Variants in AKIRIN1 observed in about 807,000 individuals in gnomAD.
AKIRIN1 encodes akirin 1.
In AKIRIN1, 4 loss-of-function variants were observed where a neutral mutation model predicts 25.9. The ratio of observed to expected loss-of-function variants is 0.15; its 90% CI spans 0.08 to 0.35. The LOEUF (loss-of-function observed/expected upper bound fraction) is 0.35. Among genes scored for constraint, AKIRIN1 ranks in the 10% least tolerant of loss-of-function variants. The probability of loss-of-function intolerance (pLI) is 1.00; values close to 1 mark genes in which losing one functional copy is unlikely to be tolerated. For synonymous variants in AKIRIN1, 125 were observed against 105.1 expected (o/e 1.19, Z -1.16); for missense variants, 243 against 266.1 (o/e 0.91, Z 0.61).
intron 3 of AKIRIN1, among the ~76,000 whole-genome samples, chr1:39,001,765 C>T (rs1643993520): frequency 6.6e-6 from 1 of 152,168 alleles, no homozygotes; most frequent in African/African-American, 2.4e-5. Context: ...CAAGAATTTT[C>T]CATATCAATG....
intron 2 of AKIRIN1, among the ~76,000 whole-genome samples, chr1:38,999,320 G>T (rs754418213): frequency 6.6e-6 from 1 of 152,188 alleles, no homozygotes; most frequent in African/African-American, 2.4e-5. Context: ...TAGGGTTAGG[G>T]GAGAATGAGG....
At chr1:38,998,767 A>G (rs1255529093) in intron 2 of AKIRIN1, among the ~76,000 whole-genome samples, 1 of 151,838 alleles carries the variant, frequency 6.6e-6, no homozygotes. Context: ...TTAGCCAGGC[A>G]TGGTGGCTCG....
chr1:38,991,534 C>G lies in AKIRIN1; in HGVS notation c.154C>G (p.Gln52Glu). Residue 52 changes from glutamine (Q) to glutamate (E), a missense_variant, in exon 1 of 5, where the codon CAG (glutamine) becomes GAG (glutamate). Around this residue, in one of 3 missense-constraint regions of AKIRIN1, gnomAD observed 190 missense variants for 174.4 expected, o/e 1.09. Coordinates refer to ENST00000432648, the MANE Select transcript of AKIRIN1 (RefSeq NM_024595.3). ...CGAGCCGCCGCCGCCGTTTCAGACG[C>G]AGACCCCACCGCAGAGTCTGCAGCA... ...DAEPPPPFQT[Q>E]TPPQSLQQPA... 6.8e-7 allele frequency: 1 copy of G among 1,460,298 alleles called. No homozygotes were observed. The highest frequency in any genetic ancestry group is 1.3e-5 in the South Asian group (1 of 74,572). The allele number at this position is 1,460,298 out of a possible 1,614,324, so 90.5% of individuals were successfully genotyped here. A position where few individuals can be genotyped will look rare whatever the true frequency, so the allele number is the denominator to read the frequency against.
chr1:39,002,024 A>G (rs1416770580), intron 3 of AKIRIN1, among the ~76,000 whole-genome samples: 1 of 152,236 alleles, frequency 6.6e-6, no homozygotes, highest in Non-Finnish European at 1.5e-5. Flanking sequence ...TTTGTGAAAG[A>G]AAGAGATCTG....
At chr1:38,992,163 T>C (rs889027002) in intron 1 of AKIRIN1, among the ~76,000 whole-genome samples, 1 of 152,196 alleles carries the variant, frequency 6.6e-6, no homozygotes, top group African/African-American at 2.4e-5. Context: ...GCCACGTTCT[T>C]TTATTATATG....
chr1:39,000,506 T>C (rs2013119), intron 2 of AKIRIN1, among the ~76,000 whole-genome samples: 50,933 of 151,116 alleles, frequency 0.34, 9,182 homozygotes, highest in Non-Finnish European at 0.39. Flanking sequence ...CATCACCACG[T>C]CCAGCTAATT....
chr1:38,991,867 C>T (rs931553233), intron 1 of AKIRIN1, among the ~76,000 whole-genome samples: 1 of 152,082 alleles, frequency 6.6e-6, no homozygotes, highest in African/African-American at 2.4e-5. Context: ...ATGGGAATAC[C>T]TCTGGCCGCT....
intron 3 of AKIRIN1, among the ~76,000 whole-genome samples, chr1:39,001,816 C>CA (rs1355162069): frequency 6.6e-6 from 1 of 152,154 alleles, no homozygotes; most frequent in Non-Finnish European, 1.5e-5. Flanking sequence ...GGCTGGTAAA[C>CA]AGATGGTTGT....
Position 39,001,198 on chromosome 1 carries a change from C to T in AKIRIN1, c.496+92C>T, listed in dbSNP as rs1370547122. On this transcript the variant is annotated intron_variant, in intron 3 of 4. Coordinates refer to ENST00000432648, the MANE Select transcript of AKIRIN1 (RefSeq NM_024595.3). ...AACTTAGAAAAAGAGAGTAGGACCT[C>T]ATGCAAGGGAGTTTATTGAGTTGCG... 2.8e-6 allele frequency: 4 copies of T among 1,421,276 alleles called. No individual in the cohort carries two copies. In the African/African-American group the frequency reaches 4.3e-5, roughly 15 times the overall value. The allele number at this position is 1,421,276 out of a possible 1,614,324, so 88.0% of individuals were successfully genotyped here. A position where few individuals can be genotyped will look rare whatever the true frequency, so the allele number is the denominator to read the frequency against.
intron 1 of AKIRIN1, among the ~76,000 whole-genome samples, chr1:38,992,659 A>AT (rs1486180238): frequency 2.0e-5 from 3 of 152,134 alleles, no homozygotes; most frequent in African/African-American, 7.2e-5. Context: ...CCCAGACTTC[A>AT]TATCCTTAAC....
At position 38,998,269 on chromosome 1, in the gene AKIRIN1, A is replaced by G; in HGVS notation, c.319A>G (p.Ser107Gly). ...TCAGAGTGAAGCTTGTGCTTCGGAA[A>G]GTCAACCTCACTCCTCAGCACTCAC... ...LNQSEACASESQPHSSALTAP... is the reference protein window; with the variant it reads ...LNQSEACASEGQPHSSALTAP... The change falls in exon 2 of 5, where the codon AGT becomes GGT. Residue 107 changes from serine (S) to glycine (G), a missense_variant. Around this residue, in one of 3 missense-constraint regions of AKIRIN1, gnomAD observed 190 missense variants for 174.4 expected, o/e 1.09. Transcript: ENST00000432648. The G allele has an allele frequency of 6.2e-7, 1 of 1,614,038 alleles. No individual in the cohort carries two copies.
intron 4 of AKIRIN1, 138 bp downstream of exon 4, chr1:39,003,556 C>A: frequency 1.3e-6 from 1 of 753,046 alleles, no homozygotes; most frequent in Non-Finnish European, 2.1e-6. Flanking sequence ...TAAATCCACA[C>A]CAAAGCTTAT....
Position 39,004,849 on chromosome 1 carries a change from TC to T in AKIRIN1, c.*797del, listed in dbSNP as rs920136022. 1 of 152,738 alleles carries T rather than the reference TC, an allele frequency of 6.5e-6. No individual in the cohort carries two copies. Among genetic ancestry groups the T allele is most frequent in the African/African-American group, 2.4e-5 (1 of 41,382 alleles). 9.5% of individuals were successfully genotyped at this position (152,738 alleles called of 1,614,324 possible). Reference sequence around the variant, plus strand: ...CTCATTCACACAATTATCATAGAGCTCCCTGGACACTGAACCTCTAAAGGGA... The same window carrying T: ...CTCATTCACACAATTATCATAGAGCTCCTGGACACTGAACCTCTAAAGGGA... On this transcript the variant is annotated 3_prime_UTR_variant, in exon 5 of 5. Transcript: ENST00000432648.
intron 2 of AKIRIN1, 152 bp from the exon 3 acceptor site, chr1:39,000,820 C>T: frequency 1.2e-6 from 1 of 824,508 alleles, no homozygotes; most frequent in South Asian, 2.1e-5. Context: ...CCACGCCCAG[C>T]TAATTTTGTA....
In AKIRIN1 at chr1:38,995,958, T is replaced by TG. The variant is rs540084711; in HGVS notation, c.221-2210dup. 1.2e-4 allele frequency among the ~76,000 whole-genome samples: 18 copies of TG among 152,200 alleles called. 1 individual carries two copies. In the South Asian group the frequency reaches 3.5e-3, roughly 30 times the overall value. The stretch of plus-strand genomic sequence containing the variant: ...CTGAGGCAGGAGAATTGCTTGAACC[T>TG]GGGAGGTAGAGGTTGCAGTGAACTG... On this transcript the variant is annotated intron_variant, in intron 1 of 4. Coordinates refer to ENST00000432648, the MANE Select transcript of AKIRIN1 (RefSeq NM_024595.3).
intron 1 of AKIRIN1, 51 bp downstream of exon 1, chr1:38,991,651 TG>T (rs533252178): frequency 7.1e-4 from 114 of 159,520 alleles, no homozygotes; most frequent in South Asian, 6.2e-3. Flanking sequence ...AGGCATTTTT[TG>T]GGGGGGGTGG....
rs563845493 is a variant in AKIRIN1 at position 38,993,619 on chromosome 1, G to A, written c.220+2019G>A. ...GCGCTCCAGCCTGGGCCACAAGAGC[G>A]AAACTCCATCTCAAAAAAAAAAAAA... On this transcript the variant is annotated intron_variant, in intron 1 of 4. Coordinates refer to ENST00000432648, the MANE Select transcript of AKIRIN1 (RefSeq NM_024595.3). Among the ~76,000 whole-genome samples the A allele has an allele frequency of 1.3e-4, 17 of 131,816 alleles. No individual in the cohort carries two copies. In the South Asian group the frequency reaches 2.4e-3, roughly 19 times the overall value. 86.5% of individuals were successfully genotyped at this position (131,816 alleles called of 152,430 possible).
intron 3 of AKIRIN1, among the ~76,000 whole-genome samples, chr1:39,001,546 G>A (rs1310185429): frequency 1.3e-5 from 2 of 151,994 alleles, no homozygotes; most frequent in East Asian, 1.9e-4. Context: ...GATTACAGGC[G>A]TGAGCCACCG....
chr1:38,999,929 C>T (rs905110676), intron 2 of AKIRIN1, among the ~76,000 whole-genome samples: 2 of 151,854 alleles, frequency 1.3e-5, no homozygotes, highest in African/African-American at 4.8e-5. Context: ...GTCGCCCAGG[C>T]TGGAGTGCAG....
Sources: gnomAD v4.1 joint callset for allele counts (sites outside exome capture counted in the v4.1 genomes callset) on GRCh38, gnomAD v4.1.1 for gene constraint, gnomAD v4.1.1 regional missense constraint, MANE v1.5 for transcripts, NCBI Gene and HGNC (gene_info 2026-07-23, HGNC 2026-07-21) for gene names.